PTBP1: variants seen among roughly 807,000 people sequenced by gnomAD.
PTBP1 encodes polypyrimidine tract binding protein 1, also known as polypyrimidine tract-binding protein 1.
In PTBP1, 8 loss-of-function variants were observed where a neutral mutation model predicts 59.8. The ratio of observed to expected loss-of-function variants is 0.13; its 90% confidence interval spans 0.08 to 0.24. The LOEUF is 0.24. Ranked by LOEUF, PTBP1 falls within the 10% of genes least tolerant of loss-of-function variation. The pLI is 1.00. For missense variants in PTBP1, 686 were observed against 767.0 expected, an observed-to-expected ratio of 0.89 and a Z score of 1.25; for synonymous variants, 490 against 320.7, an observed-to-expected ratio of 1.53 and a Z score of -5.64.
Position 808,221 on chromosome 19 carries a change from A to G in PTBP1, c.1154-139A>G. On this transcript the variant is annotated intron_variant, in intron 11 of 14. Coordinates refer to ENST00000356948, the MANE Select transcript of PTBP1 (RefSeq NM_002819.5). The surrounding 1 kb of genome is among the most constrained non-coding windows in gnomAD (Gnocchi z 4.7). The stretch of plus-strand genomic sequence containing the variant: ...TGTTAGCGCGCCCTGTGGCTGCGAG[A>G]CGCAGCTCCGCAGTGGCCGATAAAG... 2 of 718,592 alleles carry G rather than the reference A, an allele frequency of 2.8e-6. No homozygotes were observed. Among genetic ancestry groups the G allele is most frequent in the Non-Finnish European group, 4.8e-6 (2 of 417,254 alleles). The allele number at this position is 718,592 out of a possible 1,614,324, so 44.5% of individuals were successfully genotyped here. A position where few individuals can be genotyped will look rare whatever the true frequency, so the allele number is the denominator to read the frequency against.
intron 1 of PTBP1, 80 bp downstream of exon 1, chr19:797,585 G>A (rs2034125795): frequency 7.7e-6 from 8 of 1,038,312 alleles, no homozygotes; most frequent in Non-Finnish European, 2.5e-6. Context: ...GCCTCCCCGG[G>A]GCCGATCTCG....
intron 2 of PTBP1, among the ~76,000 whole-genome samples, chr19:801,766 G>A (rs1474574219): frequency 2.0e-5 from 3 of 152,148 alleles, no homozygotes; most frequent in South Asian, 4.1e-4. Flanking sequence ...CCCTTCCTCC[G>A]GTCCTGGCAC....
chr19:808,895 G>GTAC lies in PTBP1; in HGVS notation c.1463+135_1463+137dup. Reference sequence around the variant, plus strand: ...GGGCACCTCTTACCCCAAACCTGAAGTACTGCAAGGCCTGGAGCTTGAGCC... The same window carrying GTAC: ...GGGCACCTCTTACCCCAAACCTGAAGTACTACTGCAAGGCCTGGAGCTTGAGCC... On this transcript the variant is annotated intron_variant, in intron 13 of 14. Coordinates refer to ENST00000356948, the MANE Select transcript of PTBP1 (RefSeq NM_002819.5). This position sits in a 1 kb window ranked among gnomAD's most constrained non-coding sequence, Gnocchi z 4.7. The GTAC allele has an allele frequency of 3.7e-6, 3 of 807,186 alleles. No homozygotes were observed. Among genetic ancestry groups the GTAC allele is most frequent in the Non-Finnish European group, 6.0e-6 (3 of 500,342 alleles). The allele number at this position is 807,186 out of a possible 1,614,324, so 50.0% of individuals were successfully genotyped here.
Position 804,900 on chromosome 19 carries a change from G to A in PTBP1, c.678G>A (p.Leu226=), listed in dbSNP as rs2034492172. 1 of 1,613,934 alleles carries A rather than the reference G, an allele frequency of 6.2e-7. No homozygotes were observed. The highest frequency in any genetic ancestry group is 1.3e-5 in the African/African-American group (1 of 75,032). The change falls in exon 7 of 15, where the codon CTG becomes CTA. Residue 226 remains leucine (L), a synonymous_variant. Coordinates refer to ENST00000356948, the MANE Select transcript of PTBP1 (RefSeq NM_002819.5). ...FTKNNQFQAL[L]QYADPVSAQH... ...AGAACAACCAGTTCCAGGCCCTGCT[G>A]CAGTATGCGGACCCCGTGAGCGCCC...
intron 10 of PTBP1, chr19:806,944 C>T (rs1881825277): frequency 1.1e-5 from 2 of 175,390 alleles, no homozygotes; most frequent in East Asian, 1.5e-4. Flanking sequence ...GAGCCTGTCA[C>T]TTAACTGGTG....
chr19:804,214 T>C lies in PTBP1; in HGVS notation c.288+6T>C. 1 of 1,606,184 alleles carries C rather than the reference T, an allele frequency of 6.2e-7. No individual in the cohort carries two copies. The highest frequency in any genetic ancestry group is 8.5e-7 in the Non-Finnish European group (1 of 1,174,708). ...TGCTGAAGGGGAAAAACCAGGTACC[T>C]GAGCCGCGTTTCTCCGGGGTGCTCA... On this transcript the variant is annotated splice_donor_region_variant and intron_variant, in intron 4 of 14. Coordinates refer to ENST00000356948, the MANE Select transcript of PTBP1 (RefSeq NM_002819.5).
Position 804,023 on chromosome 19 carries a change from AC to A in PTBP1, c.116-8del, listed in dbSNP as rs746928879. On this transcript the variant is annotated splice_polypyrimidine_tract_variant and intron_variant, in intron 3 of 14. Coordinates refer to ENST00000356948, the MANE Select transcript of PTBP1 (RefSeq NM_002819.5). ...CGAGTTGGTGCCTGCATCTCATGGC[AC>A]CCCCTTTTCAGCAAACGGAAATGAC... 6.2e-7 allele frequency: 1 copy of A among 1,613,454 alleles called. No homozygotes were observed. The highest frequency in any genetic ancestry group is 8.5e-7 in the Non-Finnish European group (1 of 1,179,924).
rs1174006573 is a variant in PTBP1, at chr19:811,079, G to A, written c.*253G>A. On this transcript the variant is annotated 3_prime_UTR_variant, in exon 15 of 15. Transcript: ENST00000356948. ...CCTCCACACCCGGGGCCAGACCCTC[G>A]GGGCCATGCCTTGGTGGGGCCTGTG... 5.0e-6 allele frequency: 2 copies of A among 399,762 alleles called. No homozygotes were observed. Among genetic ancestry groups the A allele is most frequent in the Non-Finnish European group, 8.8e-6 (2 of 227,662 alleles). The allele number at this position is 399,762 out of a possible 1,614,324, so 24.8% of individuals were successfully genotyped here. A position where few individuals can be genotyped will look rare whatever the true frequency, so the allele number is the denominator to read the frequency against.
In PTBP1 at chr19:811,714, C is replaced by T. The variant is rs998332905; in HGVS notation, c.*888C>T. 2.0e-5 allele frequency: 3 copies of T among 152,438 alleles called. No homozygotes were observed. Among genetic ancestry groups the T allele is most frequent in the Non-Finnish European group, 4.4e-5 (3 of 68,046 alleles). The allele number at this position is 152,438 out of a possible 1,614,324, so 9.4% of individuals were successfully genotyped here. Reference sequence around the variant, plus strand: ...CAGGCACAGGGAGCCCCGGTCCTATCTTAGAGCCCCTGAGCTTCAGGGAAG... The same window carrying T: ...CAGGCACAGGGAGCCCCGGTCCTATTTTAGAGCCCCTGAGCTTCAGGGAAG... On this transcript the variant is annotated 3_prime_UTR_variant, in exon 15 of 15. Coordinates refer to ENST00000356948, the MANE Select transcript of PTBP1 (RefSeq NM_002819.5).
At position 803,584 on chromosome 19, in the gene PTBP1, T is replaced by A; in HGVS notation, c.63T>A (p.Ser21=). ...AGCGGGGATCTGACGAGCTTTTCTC[T>A]ACTTGTGTCACTAACGGACCGTTTA... The part of the protein sequence containing the change: ...GTKRGSDELF[S]TCVTNGPFIM... Residue 21 remains serine (S), a synonymous_variant, in exon 3 of 15, where the codon TCT becomes TCA. Coordinates refer to ENST00000356948, the MANE Select transcript of PTBP1 (RefSeq NM_002819.5). The A allele has an allele frequency of 6.2e-7, 1 of 1,614,166 alleles. No homozygotes were observed. Among genetic ancestry groups the A allele is most frequent in the Non-Finnish European group, 8.5e-7 (1 of 1,180,008 alleles).
At position 810,597 on chromosome 19, in the gene PTBP1, C is replaced by T. The variant is rs144071881; in HGVS notation, c.1518C>T (p.Val506=). ...TCCTGTTTTCCAGCAATGGGGGCGT[C>T]GTCAAAGGATTCAAGTTCTTCCAGT... ...LKVLFSSNGG[V]VKGFKFFQKD... Residue 506 remains valine (V), a synonymous_variant, in exon 14 of 15, where the codon GTC becomes GTT. Coordinates refer to ENST00000356948, the MANE Select transcript of PTBP1 (RefSeq NM_002819.5). 25 of 1,613,732 alleles carry T rather than the reference C, an allele frequency of 1.5e-5. No individual in the cohort carries two copies. The highest frequency in any genetic ancestry group is 4.5e-5 in the East Asian group (2 of 44,834).
rs920764865 is a variant in PTBP1 at position 811,570 on chromosome 19, G to A, written c.*744G>A. ...ATAGCAAGATGATACAATGGTATGA[G>A]TGTAATCTAAACTTCCTTGTGGTAT... On this transcript the variant is annotated 3_prime_UTR_variant, in exon 15 of 15. Transcript: ENST00000356948. 2 of 152,444 alleles carry A rather than the reference G, an allele frequency of 1.3e-5. No individual in the cohort carries two copies. The highest frequency in any genetic ancestry group is 4.8e-5 in the African/African-American group (2 of 41,470). The allele number at this position is 152,444 out of a possible 1,614,324, so 9.4% of individuals were successfully genotyped here.
chr19:797,844 C>A (rs1406798964), intron 1 of PTBP1, among the ~76,000 whole-genome samples: 1 of 148,746 alleles, frequency 6.7e-6, no homozygotes. Flanking sequence ...GCTTCCCGTC[C>A]GGCCCTCGCG....
At chr19:809,950 A>G (rs1368315469) in intron 13 of PTBP1, among the ~76,000 whole-genome samples, 1 of 152,212 alleles carries the variant, frequency 6.6e-6, no homozygotes, top group Non-Finnish European at 1.5e-5. Flanking sequence ...ATCTGGCCCC[A>G]AGCATGTCAA....
intron 3 of PTBP1, 121 bp from the exon 4 acceptor site, chr19:803,915 G>T (rs1412593953): frequency 1.0e-5 from 12 of 1,201,092 alleles, no homozygotes; most frequent in Non-Finnish European, 1.4e-5. Context: ...TGGTTCACAT[G>T]CACCCTCCTG....
intron 10 of PTBP1, 145 bp downstream of exon 10, chr19:806,701 C>T (rs1703081501): frequency 3.0e-6 from 2 of 674,342 alleles, no homozygotes; most frequent in South Asian, 3.1e-5. Context: ...AGCGCTGAGA[C>T]CCTCCTTTTC....
At chr19:804,735 G>T (rs1462092888) in intron 6 of PTBP1, 33 bp downstream of exon 6, 1 of 1,609,576 alleles carries the variant, frequency 6.2e-7, no homozygotes, top group Non-Finnish European at 8.5e-7. Context: ...AGGGCAGGTC[G>T]GCTGCTATTG....
intron 11 of PTBP1, 61 bp downstream of exon 11, chr19:807,963 C>A: frequency 6.9e-7 from 1 of 1,456,614 alleles, no homozygotes; most frequent in Non-Finnish European, 9.6e-7. Flanking sequence ...TTTTGATGCC[C>A]TGAGACGTAT....
At chr19:800,529 C>G (rs1023144175) in intron 2 of PTBP1, among the ~76,000 whole-genome samples, 11 of 152,130 alleles carry the variant, frequency 7.2e-5, no homozygotes, top group Non-Finnish European at 1.5e-4. Flanking sequence ...AGGGCTTGTG[C>G]CCCGAGAGCC....
Sources: allele counts gnomAD v4.1 joint callset (sites outside exome capture counted in the v4.1 genomes callset), GRCh38; gene constraint gnomAD v4.1.1; non-coding constraint Gnocchi (gnomAD v3.1); transcripts MANE v1.5; gene names NCBI Gene and HGNC (gene_info 2026-07-23, HGNC 2026-07-21).